KDM7A: variants seen among roughly 807,000 people sequenced by gnomAD.
KDM7A encodes lysine-specific demethylase 7A.
Under a neutral mutation model 114.8 loss-of-function variants are expected in KDM7A, and 28 were observed. The observed-to-expected ratio is 0.24, with a 90% confidence interval of 0.18 to 0.33. The LOEUF (loss-of-function observed/expected upper bound fraction) is 0.33, where lower values mean the gene tolerates loss of function less well. KDM7A is among the 10% of genes least tolerant of loss of function. The pLI, the probability that KDM7A is intolerant of heterozygous loss-of-function variation, is 1.00. For synonymous variants in KDM7A, 423 were observed against 397.8 expected, an observed-to-expected ratio of 1.06 and a Z score of -0.75; for missense variants, 942 against 1,142.5, an observed-to-expected ratio of 0.82 and a Z score of 2.53.
At chr7:140,122,363 A>G (rs1818629618) in intron 7 of KDM7A, among the ~76,000 whole-genome samples, 2 of 151,914 alleles carry the variant, frequency 1.3e-5, no homozygotes, top group Admixed American at 1.3e-4. Flanking sequence ...GATTTGAAGA[A>G]TCATAAATGT....
At chr7:140,102,615 C>T (rs1439799965) in intron 11 of KDM7A, among the ~76,000 whole-genome samples, 12 of 152,126 alleles carry the variant, frequency 7.9e-5, no homozygotes, top group Non-Finnish European at 4.4e-5. Context: ...TCAGGGGATC[C>T]ACCTGCTTCG....
At chr7:140,168,523 G>A (rs1288353323) in intron 1 of KDM7A, among the ~76,000 whole-genome samples, 1 of 150,516 alleles carries the variant, frequency 6.6e-6, no homozygotes, top group Non-Finnish European at 1.5e-5. Flanking sequence ...AGCCAAGATC[G>A]CACCACTGCA....
chr7:140,168,567 C>CA (rs34680636), intron 1 of KDM7A, among the ~76,000 whole-genome samples: 6,908 of 109,788 alleles, frequency 0.063, 173 homozygotes, highest in African/African-American at 0.094. Context: ...GACTCTATCT[C>CA]AAAAAAAAAA....
intron 1 of KDM7A, among the ~76,000 whole-genome samples, chr7:140,151,440 G>A (rs1036166616): frequency 3.3e-5 from 5 of 152,258 alleles, no homozygotes; most frequent in South Asian, 2.1e-4. Context: ...GGAGACATTC[G>A]CTTGGGCTAC....
At position 140,139,194 on chromosome 7, in the gene KDM7A, A is replaced by C. The variant is rs1354839450; in HGVS notation, c.195-4T>G. 3 of 1,609,362 alleles carry C rather than the reference A, an allele frequency of 1.9e-6. No individual in the cohort carries two copies. Among genetic ancestry groups the C allele is most frequent in the Admixed American group, 3.3e-5 (2 of 59,768 alleles). The stretch of plus-strand genomic sequence containing the variant: ...ATGTTCTTCTACTCCAACACAGCTA[A>C]GACAAAGGAAACCAAAATCAGTATG... On this transcript the variant is annotated splice_region_variant and splice_polypyrimidine_tract_variant and intron_variant, in intron 1 of 19. Transcript: ENST00000397560.
intron 7 of KDM7A, among the ~76,000 whole-genome samples, chr7:140,122,945 T>A (rs1406725817): frequency 6.6e-6 from 1 of 152,192 alleles, no homozygotes; most frequent in Non-Finnish European, 1.5e-5. Flanking sequence ...TGGGAGCAAA[T>A]TATTTGCAAA....
chr7:140,106,540 A>G (rs1442443076), intron 11 of KDM7A, among the ~76,000 whole-genome samples: 1 of 152,148 alleles, frequency 6.6e-6, no homozygotes, highest in East Asian at 1.9e-4. Context: ...TCATTTCATT[A>G]TGTACCCAGT....
chr7:140,146,363 C>T (rs988567297), intron 1 of KDM7A, among the ~76,000 whole-genome samples: 1 of 152,162 alleles, frequency 6.6e-6, no homozygotes, highest in Non-Finnish European at 1.5e-5. Context: ...TAACTTCTCC[C>T]TACTCTCTTT....
rs150509781 is a variant in KDM7A at position 140,131,698 on chromosome 7, C to T, written c.398+1841G>A. Reference sequence around the variant, plus strand: ...GAGGATTAAATAATTCCTTCAACTTCAGTCTAAGGGAGAATTTTAAATCAC... The same window carrying T: ...GAGGATTAAATAATTCCTTCAACTTTAGTCTAAGGGAGAATTTTAAATCAC... On this transcript the variant is annotated intron_variant, in intron 3 of 19. Coordinates refer to ENST00000397560, the MANE Select transcript of KDM7A (RefSeq NM_030647.2). Among the ~76,000 whole-genome samples the T allele has an allele frequency of 4.6e-5, 7 of 152,322 alleles. No individual in the cohort carries two copies. In the East Asian group the frequency reaches 1.3e-3, roughly 29 times the overall value.
chr7:140,112,761 AG>A (rs1329456336), intron 10 of KDM7A, among the ~76,000 whole-genome samples: 2 of 152,244 alleles, frequency 1.3e-5, no homozygotes, highest in African/African-American at 4.8e-5. Flanking sequence ...ACCCAGTTGA[AG>A]GAAACACAAA....
intron 9 of KDM7A, among the ~76,000 whole-genome samples, chr7:140,114,549 C>T (rs1048763438): frequency 3.9e-5 from 6 of 152,210 alleles, no homozygotes; most frequent in Non-Finnish European, 8.8e-5. Context: ...CTGCCTTGGC[C>T]TCCCAAAGTG....
chr7:140,158,228 T>C (rs1031419455), intron 1 of KDM7A, among the ~76,000 whole-genome samples: 7 of 152,262 alleles, frequency 4.6e-5, no homozygotes, highest in Middle Eastern at 3.4e-3. Flanking sequence ...CATTTAAGTA[T>C]TGACTTACAA....
rs186333535 is a variant in KDM7A, at chr7:140,111,325, G to C, written c.1339-141C>G. On this transcript the variant is annotated intron_variant, in intron 10 of 19. Coordinates refer to ENST00000397560, the MANE Select transcript of KDM7A (RefSeq NM_030647.2). ...ACTAGTAAGCCAGGTTTCAGAGTTC[G>C]TGTAGCTAGTATAATGCCTTCTAAG... The C allele has an allele frequency of 3.1e-5, 18 of 584,754 alleles. 1 individual carries two copies. In the South Asian group the frequency reaches 3.8e-4, roughly 12 times the overall value. The allele number at this position is 584,754 out of a possible 1,614,324, so 36.2% of individuals were successfully genotyped here.
intron 9 of KDM7A, 83 bp from the exon 10 acceptor site, chr7:140,113,665 C>A: frequency 3.2e-6 from 2 of 631,988 alleles, no homozygotes; most frequent in Non-Finnish European, 2.8e-6. Context: ...TTTTGAGTAG[C>A]CACCAAATAT....
chr7:140,168,437 A>G (rs1460680842), intron 1 of KDM7A, among the ~76,000 whole-genome samples: 1 of 152,082 alleles, frequency 6.6e-6, no homozygotes, highest in East Asian at 1.9e-4. Context: ...GCACAGTGGC[A>G]CATGCCTATA....
chr7:140,106,412 T>C (rs954389295), intron 11 of KDM7A, among the ~76,000 whole-genome samples: 2 of 152,244 alleles, frequency 1.3e-5, no homozygotes, highest in African/African-American at 4.8e-5. Flanking sequence ...CTGCTTTCTC[T>C]TGTGGGCATT....
Position 140,098,864 on chromosome 7 carries a change from A to T in KDM7A, c.1918+15T>A. 6 of 1,592,916 alleles carry T rather than the reference A, an allele frequency of 3.8e-6. No individual in the cohort carries two copies. The highest frequency in any genetic ancestry group is 5.1e-6 in the Non-Finnish European group (6 of 1,165,928). ...TAATCAAAAGATCTTTAAAATAACC[A>T]TTAAAAAAACATACCATTCAGTGGT... On this transcript the variant is annotated intron_variant, in intron 14 of 19. Coordinates refer to ENST00000397560, the MANE Select transcript of KDM7A (RefSeq NM_030647.2).
intron 1 of KDM7A, among the ~76,000 whole-genome samples, chr7:140,174,159 G>C (rs892014407): frequency 3.5e-5 from 5 of 144,894 alleles, no homozygotes; most frequent in Non-Finnish European, 7.5e-5. Flanking sequence ...GCGAGACTCC[G>C]TCTCCAAAAA....
chr7:140,102,913 C>T (rs1374366794), intron 11 of KDM7A, among the ~76,000 whole-genome samples: 1 of 152,168 alleles, frequency 6.6e-6, no homozygotes, highest in Admixed American at 6.5e-5. Flanking sequence ...TCTTCCCCAT[C>T]CCTCTCATTC....
Sources: gnomAD v4.1 joint callset for allele counts (sites outside exome capture counted in the v4.1 genomes callset) on GRCh38, gnomAD v4.1.1 for gene constraint, MANE v1.5 for transcripts, NCBI Gene and HGNC (gene_info 2026-07-23, HGNC 2026-07-21) for gene names.